PAK2: variants seen among roughly 807,000 people sequenced by gnomAD.
PAK2 encodes the protein p21 (RAC1) activated kinase 2.
In PAK2, 21 loss-of-function variants were observed where a neutral mutation model predicts 65.9. The observed-to-expected ratio is 0.32, with a 90% CI of 0.23 to 0.46. The LOEUF (loss-of-function observed/expected upper bound fraction) is 0.46. PAK2 is among the 20% of genes least tolerant of loss of function. The probability of loss-of-function intolerance (pLI) is 1.00; values close to 1 mark genes in which losing one functional copy is unlikely to be tolerated. For synonymous variants in PAK2, 204 were observed against 219.7 expected, an observed-to-expected ratio of 0.93 and a Z score of 0.63; for missense variants, 324 against 642.6, an observed-to-expected ratio of 0.50 and a Z score of 5.36.
At chr3:196,802,453 T>C (rs1310748820) in intron 3 of PAK2, among the ~76,000 whole-genome samples, 1 of 152,220 alleles carries the variant, frequency 6.6e-6, no homozygotes, top group Non-Finnish European at 1.5e-5. Flanking sequence ...GAATTCTTAC[T>C]GCTTTTTGCT....
intron 1 of PAK2, among the ~76,000 whole-genome samples, chr3:196,775,360 C>G (rs1384435766): frequency 1.3e-5 from 2 of 152,160 alleles, no homozygotes; most frequent in African/African-American, 4.8e-5. Context: ...AGTATACTAA[C>G]ATTGAACAGT....
Position 196,782,710 on chromosome 3 carries a change from A to G in PAK2, c.64A>G (p.Ile22Val). 1.2e-6 allele frequency: 2 copies of G among 1,612,020 alleles called. No homozygotes were observed. The highest frequency in any genetic ancestry group is 1.7e-6 in the Non-Finnish European group (2 of 1,178,058). The change falls in exon 2 of 15, where the codon ATC (isoleucine) becomes GTC (valine). Residue 22 changes from isoleucine (I) to valine (V), a missense_variant. By Grantham distance (29) the Ile-to-Val change is conservative (BLOSUM62 3). This residue lies in a region of PAK2 where 42 missense variants were observed against 67.4 expected (regional missense o/e 0.62). Coordinates refer to ENST00000327134, the MANE Select transcript of PAK2 (RefSeq NM_002577.4). ...PAPPVRMSSTIFSTGGKDPLS... is the reference protein window; with the variant it reads ...PAPPVRMSSTVFSTGGKDPLS... Reference sequence around the variant, plus strand: ...ACCTCCTGTGCGAATGAGCAGCACCATCTTTAGCACTGGAGGCAAAGACCC... The same window carrying G: ...ACCTCCTGTGCGAATGAGCAGCACCGTCTTTAGCACTGGAGGCAAAGACCC...
intron 1 of PAK2, 32 bp from the exon 2 acceptor site, chr3:196,782,594 T>A: frequency 9.2e-7 from 1 of 1,086,578 alleles, no homozygotes; most frequent in South Asian, 1.5e-5. Context: ...TATTTTTTAC[T>A]TTGTTACTAA....
At chr3:196,764,845 T>C (rs9879489) in intron 1 of PAK2, among the ~76,000 whole-genome samples, 1,481 of 140,366 alleles carry the variant, frequency 0.011, 18 homozygotes, top group African/African-American at 0.037. Context: ...TTCTTTCTTT[T>C]TTTTTTTTTT....
At chr3:196,753,366 G>T (rs1049307808) in intron 1 of PAK2, among the ~76,000 whole-genome samples, 10 of 151,778 alleles carry the variant, frequency 6.6e-5, no homozygotes, top group African/African-American at 2.4e-4. Context: ...CATCTCAGCC[G>T]CCTGAGTAGC....
chr3:196,785,658 C>G (rs148973770), intron 2 of PAK2, among the ~76,000 whole-genome samples: 247 of 152,298 alleles, frequency 1.6e-3, no homozygotes, highest in African/African-American at 5.7e-3. Context: ...TGTTTTCACA[C>G]TGCTGATAAA....
chr3:196,807,322 C>T (rs963891803), intron 6 of PAK2, among the ~76,000 whole-genome samples: 6 of 152,044 alleles, frequency 3.9e-5, no homozygotes, highest in East Asian at 1.9e-4. Context: ...CAGAGGACTC[C>T]GTTTTCTTTA....
At chr3:196,818,613 G>A (rs370346074) in intron 12 of PAK2, among the ~76,000 whole-genome samples, 6 of 152,200 alleles carry the variant, frequency 3.9e-5, no homozygotes, top group African/African-American at 7.2e-5. Flanking sequence ...GTATCTTCCC[G>A]CCTCAGCCTC....
At chr3:196,742,923 AAAAAAG>A (rs947471963) in intron 1 of PAK2, among the ~76,000 whole-genome samples, 116 of 152,346 alleles carry the variant, frequency 7.6e-4, no homozygotes, top group African/African-American at 2.6e-3. Flanking sequence ...CCGTCTCATT[AAAAAAG>A]AAAAAGAAAA....
At chr3:196,757,524 T>C (rs1026168044) in intron 1 of PAK2, among the ~76,000 whole-genome samples, 1 of 152,222 alleles carries the variant, frequency 6.6e-6, no homozygotes, top group Admixed American at 6.5e-5. Context: ...TCTTTTCTTT[T>C]AGACCTTATT....
At chr3:196,821,646 G>A (rs767080194) in intron 13 of PAK2, among the ~76,000 whole-genome samples, 29 of 152,154 alleles carry the variant, frequency 1.9e-4, no homozygotes, top group Non-Finnish European at 2.2e-4. Context: ...TCATGCCATC[G>A]CACTCCAGCC....
intron 2 of PAK2, among the ~76,000 whole-genome samples, chr3:196,797,303 T>G (rs958837651): frequency 6.6e-6 from 1 of 151,184 alleles, no homozygotes; most frequent in East Asian, 1.9e-4. Context: ...TCTTTACTAA[T>G]TATACAAAAA....
intron 1 of PAK2, 25 bp downstream of exon 1, chr3:196,740,182 G>A (rs1052507615): frequency 2.0e-5 from 3 of 152,126 alleles, no homozygotes; most frequent in Non-Finnish European, 2.9e-5. Flanking sequence ...GCCGGCCGGC[G>A]CGGGACGCAG....
Position 196,781,766 on chromosome 3 carries a change from G to A in PAK2, c.-21-860G>A, listed in dbSNP as rs553265905. On this transcript the variant is annotated intron_variant, in intron 1 of 14. Coordinates refer to ENST00000327134, the MANE Select transcript of PAK2 (RefSeq NM_002577.4). Reference sequence around the variant, plus strand: ...GTGGATAATTTGAGATCAGGAATTCGAGACCAGCCTGGGCAACGTAGTGAA... The same window carrying A: ...GTGGATAATTTGAGATCAGGAATTCAAGACCAGCCTGGGCAACGTAGTGAA... 2.6e-5 allele frequency among the ~76,000 whole-genome samples: 4 copies of A among 152,214 alleles called. No homozygotes were observed. In the South Asian group the frequency reaches 6.2e-4, roughly 24 times the overall value.
chr3:196,825,568 A>G (rs1711832656), intron 13 of PAK2, among the ~76,000 whole-genome samples: 1 of 150,540 alleles, frequency 6.6e-6, no homozygotes, highest in Middle Eastern at 3.4e-3. Flanking sequence ...GCTTGAACTC[A>G]GGAGGTGAAG....
intron 1 of PAK2, among the ~76,000 whole-genome samples, chr3:196,744,568 C>T (rs1231597284): frequency 6.6e-6 from 1 of 152,166 alleles, no homozygotes; most frequent in African/African-American, 2.4e-5. Context: ...AAATTACTTT[C>T]TCTTTTTAGT....
chr3:196,797,063 C>T (rs965852227), intron 2 of PAK2, among the ~76,000 whole-genome samples: 3 of 137,928 alleles, frequency 2.2e-5, no homozygotes, highest in Admixed American at 1.4e-4. Context: ...AAAATTTGAA[C>T]GTAACTATCA....
rs1715064323 is a variant in PAK2, at chr3:196,791,369, A to G, written c.187+8536A>G. Among the ~76,000 whole-genome samples the G allele has an allele frequency of 1.3e-5, 2 of 152,284 alleles. No individual in the cohort carries two copies. Among genetic ancestry groups the G allele is most frequent in the South Asian group, 4.1e-4 (2 of 4,834 alleles). ...ATTTTATGTTTATTTTGAATGATCT[A>G]ATGTGGCTCTATCTCAAGTTCTGCT... On this transcript the variant is annotated intron_variant, in intron 2 of 14. Coordinates refer to ENST00000327134, the MANE Select transcript of PAK2 (RefSeq NM_002577.4). This position sits in a 1 kb window ranked among gnomAD's most constrained non-coding sequence, Gnocchi z 4.0.
At position 196,752,816 on chromosome 3, in the gene PAK2, TCCTGG is replaced by T. The variant is rs149349321; in HGVS notation, c.-22+12663_-22+12667del. On this transcript the variant is annotated intron_variant, in intron 1 of 14. Coordinates refer to ENST00000327134, the MANE Select transcript of PAK2 (RefSeq NM_002577.4). The stretch of plus-strand genomic sequence containing the variant: ...GGGTTTTGTCGTGTTGGTCTCAAAC[TCCTGG>T]CCTCAAGTGATCCGTCTGCCTTGGC... 9.4e-3 allele frequency among the ~76,000 whole-genome samples: 1,425 copies of T among 151,380 alleles called. 21 individuals are homozygous for T. The highest frequency in any genetic ancestry group is 0.033 in the African/African-American group (1,369 of 41,220).
Sources: gnomAD v4.1 joint callset for allele counts (sites outside exome capture counted in the v4.1 genomes callset) on GRCh38, gnomAD v4.1.1 for gene constraint, gnomAD v4.1.1 regional missense constraint, Gnocchi (gnomAD v3.1) non-coding constraint, MANE v1.5 for transcripts, NCBI Gene and HGNC (gene_info 2026-07-23, HGNC 2026-07-21) for gene names.